Variants in VBP1 observed in about 807,000 individuals in gnomAD.
VBP1 encodes the protein prefoldin subunit 3.
In VBP1, 4 loss-of-function variants were observed where a neutral mutation model predicts 15.5. The ratio of observed to expected loss-of-function variants is 0.26; its 90% confidence interval spans 0.13 to 0.59. The LOEUF (loss-of-function observed/expected upper bound fraction) is 0.59, where lower values mean the gene tolerates loss of function less well. Ranked by LOEUF, VBP1 falls within the 20% of genes least tolerant of loss-of-function variation. VBP1 has a pLI of 0.90. For synonymous variants in VBP1, 61 were observed against 52.1 expected (o/e 1.17, Z -0.74); for missense variants, 108 against 139.6 (o/e 0.77, Z 1.14).
chrX:155,209,087 C>A, intron 2 of VBP1: 1 of 695,473 alleles, frequency 1.4e-6, no homozygotes, highest in Non-Finnish European at 2.1e-6. Context: ...CTTTTGTATA[C>A]TGTTGGTCTC....
intron 2 of VBP1, among the ~76,000 whole-genome samples, chrX:155,222,080 T>A (rs1263793865): frequency 4.4e-5 from 5 of 112,835 alleles, no homozygotes; most frequent in Non-Finnish European, 1.9e-5. Flanking sequence ...TTTCTTAATT[T>A]TTTACAATGT....
At chrX:155,231,372 C>T (rs1012883873) in intron 4 of VBP1, among the ~76,000 whole-genome samples, 1 of 112,167 alleles carries the variant, frequency 8.9e-6, no homozygotes, top group Non-Finnish European at 1.9e-5. Context: ...ATTGTTAGCT[C>T]CCCCAGGGAC....
In VBP1 at chrX:155,216,879, G is replaced by T. The variant is rs1602878376; in HGVS notation, c.93+304G>T. Among the ~76,000 whole-genome samples, 3 of 112,498 alleles carry T rather than the reference G, an allele frequency of 2.7e-5. No homozygotes were observed. The Admixed American group carries it at 2.8e-4, about 10-fold the overall frequency. ...CTGAGGGACCTCCGGGCTGCCGCCG[G>T]TTTTCGTCCCCCTGCTGGTTGGAAA... On this transcript the variant is annotated intron_variant, in intron 1 of 5. Coordinates refer to ENST00000286428, the MANE Select transcript of VBP1 (RefSeq NM_003372.7).
intron 1 of VBP1, among the ~76,000 whole-genome samples, chrX:155,204,480 G>A (rs1213066792): frequency 1.8e-5 from 2 of 111,848 alleles, no homozygotes; most frequent in Admixed American, 9.5e-5. Flanking sequence ...GATATCAAGA[G>A]TTGGATATAT....
At chrX:155,217,785 C>G (rs1346619267) in intron 1 of VBP1, among the ~76,000 whole-genome samples, 4 of 111,347 alleles carry the variant, frequency 3.6e-5, no homozygotes, top group African/African-American at 1.3e-4. Context: ...GATGATAAAA[C>G]TGAGGTACGG....
intron 4 of VBP1, among the ~76,000 whole-genome samples, chrX:155,234,561 A>G (rs1431267084): frequency 2.7e-5 from 3 of 111,817 alleles, no homozygotes; most frequent in African/African-American, 9.8e-5. Context: ...ATTTTTGCAT[A>G]TGTTCTTCCT....
chrX:155,217,184 T>C (rs1557309119), intron 1 of VBP1, among the ~76,000 whole-genome samples: 1 of 111,266 alleles, frequency 9.0e-6, no homozygotes, highest in African/African-American at 3.3e-5. Context: ...TCGTTTTAAC[T>C]ACATCATTCT....
intron 1 of VBP1, among the ~76,000 whole-genome samples, chrX:155,216,968 C>G (rs2074668230): frequency 8.9e-6 from 1 of 112,030 alleles, no homozygotes; most frequent in Non-Finnish European, 1.9e-5. Context: ...AATGAATAGG[C>G]AGAACAGCCA....
chrX:155,219,478 G>A (rs1334003255), intron 1 of VBP1, among the ~76,000 whole-genome samples: 1 of 112,170 alleles, frequency 8.9e-6, no homozygotes, highest in Non-Finnish European at 1.9e-5. Context: ...GATACTGAAG[G>A]AAGCATTTGT....
intron 4 of VBP1, among the ~76,000 whole-genome samples, chrX:155,234,596 T>C (rs1009134539): frequency 8.9e-6 from 1 of 111,986 alleles, no homozygotes; most frequent in Admixed American, 9.4e-5. Flanking sequence ...TTTATAAGGT[T>C]GTTCCCACAT....
At chrX:155,204,097 T>C (rs1334889474) in intron 1 of VBP1, among the ~76,000 whole-genome samples, 1 of 112,121 alleles carries the variant, frequency 8.9e-6, no homozygotes, top group East Asian at 2.8e-4. Context: ...CTATACTGTA[T>C]GATTGTTCAC....
At chrX:155,225,209 G>T (rs782160609) in intron 2 of VBP1, among the ~76,000 whole-genome samples, 3 of 111,259 alleles carry the variant, frequency 2.7e-5, no homozygotes. Flanking sequence ...AGTAATGTAC[G>T]TGGAGGTGGG....
chrX:155,239,726 A>G lies in VBP1; in HGVS notation c.*884A>G, dbSNP rs1246361528. 1 of 112,314 alleles carries G rather than the reference A, an allele frequency of 8.9e-6. No homozygotes were observed. Among genetic ancestry groups the G allele is most frequent in the Admixed American group, 9.4e-5 (1 of 10,645 alleles). 9.3% of individuals were successfully genotyped at this position (112,314 alleles called of 1,213,427 possible). A position where few individuals can be genotyped will look rare whatever the true frequency, so the allele number is the denominator to read the frequency against. ...GATACAGATTCTGATAAAAACATAAATGTATTAGTTCATCTCCATGTAGTA... is the reference window on the plus strand; with the variant it reads ...GATACAGATTCTGATAAAAACATAAGTGTATTAGTTCATCTCCATGTAGTA... On this transcript the variant is annotated 3_prime_UTR_variant, in exon 6 of 6. Transcript: ENST00000286428.
chrX:155,238,856 A>G lies in VBP1; in HGVS notation c.*14A>G. ...AACAAAGCATAATGCTGGCAATTAA[A>G]AATGTGGTTTAGTTTTCCAAACATG... On this transcript the variant is annotated 3_prime_UTR_variant, in exon 6 of 6. Transcript: ENST00000286428. 8.4e-7 allele frequency: 1 copy of G among 1,185,974 alleles called. No homozygotes were observed. Among genetic ancestry groups the G allele is most frequent in the Non-Finnish European group, 1.1e-6 (1 of 880,683 alleles).
At chrX:155,213,841 C>T (rs181704349), upstream of VBP1, among the ~76,000 whole-genome samples, 5,848 of 112,030 alleles carry the variant, frequency 0.052, 179 homozygotes, top group Non-Finnish European at 0.083. Context: ...AATTATTTTT[C>T]GACATTTGAA....
chrX:155,201,165 G>A (rs1557307381), intron 1 of VBP1, among the ~76,000 whole-genome samples: 1 of 109,837 alleles, frequency 9.1e-6, no homozygotes. Flanking sequence ...ATTCACAGCC[G>A]AATTCTACCA....
chrX:155,201,843 T>C (rs2074605491), intron 1 of VBP1, among the ~76,000 whole-genome samples: 1 of 111,473 alleles, frequency 9.0e-6, no homozygotes, highest in East Asian at 2.8e-4. Flanking sequence ...GATGACATGA[T>C]TGTGTATCTA....
intron 1 of VBP1, among the ~76,000 whole-genome samples, chrX:155,219,393 T>A (rs2074678760): frequency 8.9e-6 from 1 of 112,421 alleles, no homozygotes; most frequent in African/African-American, 3.2e-5. Flanking sequence ...TTTTACTGCT[T>A]TTCTTTTGAT....
At chrX:155,235,220 T>G (rs892467241) in intron 4 of VBP1, among the ~76,000 whole-genome samples, 2 of 109,909 alleles carry the variant, frequency 1.8e-5, no homozygotes, top group Non-Finnish European at 3.8e-5. Context: ...GTCCCCTGCT[T>G]TGGTTTTTTT....
Sources: allele counts gnomAD v4.1 joint callset (sites outside exome capture counted in the v4.1 genomes callset), GRCh38; gene constraint gnomAD v4.1.1; transcripts MANE v1.5; gene names NCBI Gene and HGNC (gene_info 2026-07-23, HGNC 2026-07-21).